Variants in RBM26 observed in about 807,000 individuals in gnomAD.
The protein encoded by RBM26 is RNA binding motif protein 26, also known as RNA-binding protein 26.
RBM26 carries 30 observed loss-of-function variants against 123.6 expected under a neutral mutation model. The ratio of observed to expected loss-of-function variants is 0.24; its 90% CI spans 0.18 to 0.33. The LOEUF is 0.33. Among genes scored for constraint, RBM26 ranks in the 10% least tolerant of loss-of-function variants. RBM26 has a pLI of 1.00. For missense variants in RBM26, 947 were observed against 1,203.6 expected, an observed-to-expected ratio of 0.79 and a Z score of 3.15; for synonymous variants, 400 against 404.4, an observed-to-expected ratio of 0.99 and a Z score of 0.13.
chr13:79,377,355 T>G (rs2076740277), intron 3 of RBM26, 24 bp downstream of exon 3: 1 of 1,600,176 alleles, frequency 6.2e-7, no homozygotes, highest in Admixed American at 1.7e-5. Flanking sequence ...AAATAACCTG[T>G]AAGGTATTAA....
At chr13:79,348,160 T>C in intron 14 of RBM26, among the ~76,000 whole-genome samples, 1 of 152,144 alleles carries the variant, frequency 6.6e-6, no homozygotes, top group East Asian at 1.9e-4. Flanking sequence ...GGACATTTGC[T>C]AATATTTTCT....
chr13:79,312,033 TA>T (rs980420272), exon 5 of RBM26: 1 of 151,960 alleles, frequency 6.6e-6, no homozygotes, highest in African/African-American at 2.4e-5. Flanking sequence ...ATTATTACTT[TA>T]AAAAAATAAA....
At chr13:79,342,297 T>C (rs376820408) in intron 17 of RBM26, among the ~76,000 whole-genome samples, 17 of 151,924 alleles carry the variant, frequency 1.1e-4, no homozygotes, top group East Asian at 7.7e-4. Context: ...TTTCAGTCAA[T>C]CCACCGTGTA....
In RBM26 at chr13:79,344,155, T is replaced by G. The variant is rs77419925; in HGVS notation, c.2259+93A>C. On this transcript the variant is annotated intron_variant, in intron 16 of 21. Coordinates refer to ENST00000438737, the MANE Select transcript of RBM26 (RefSeq NM_001366735.2). ...ATATTTGTTTTACCATTACCAATTA[T>G]AGTAAATCTTTTTATGACTAGGTAG... The G allele has an allele frequency of 1.9e-3, 1,577 of 820,650 alleles. 21 individuals carry two copies. In the African/African-American group the frequency reaches 0.021, roughly 11 times the overall value. 50.8% of individuals were successfully genotyped at this position (820,650 alleles called of 1,614,324 possible). A position where few individuals can be genotyped will look rare whatever the true frequency, so the allele number is the denominator to read the frequency against.
chr13:79,342,574 A>AG (rs2139136947), intron 17 of RBM26, 90 bp downstream of exon 17: 1 of 1,038,812 alleles, frequency 9.6e-7, no homozygotes, highest in African/African-American at 1.6e-5. Context: ...TGAACAGAAG[A>AG]TATTACCTAC....
At position 79,319,951 on chromosome 13, in the gene RBM26, T is replaced by A; in HGVS notation, c.*670A>T. 8.9e-6 allele frequency: 2 copies of A among 224,984 alleles called. No individual in the cohort carries two copies. The highest frequency in any genetic ancestry group is 1.2e-5 in the Non-Finnish European group (2 of 160,422). 13.9% of individuals were successfully genotyped at this position (224,984 alleles called of 1,614,324 possible). On this transcript the variant is annotated 3_prime_UTR_variant, in exon 22 of 22. Transcript: ENST00000438737. Reference sequence around the variant, plus strand: ...TAAATCAAGGAACATTGTCTTGGCTTTTTTTTTTTTTTTTTTTTTGTCATT... The same window carrying A: ...TAAATCAAGGAACATTGTCTTGGCTATTTTTTTTTTTTTTTTTTTGTCATT...
chr13:79,344,576 A>T, intron 15 of RBM26, 93 bp downstream of exon 15: 1 of 1,132,768 alleles, frequency 8.8e-7, no homozygotes, highest in Non-Finnish European at 1.3e-6. Context: ...ACACCCTTGT[A>T]GTCTTATTTT....
Position 79,319,549 on chromosome 13 carries a change from C to T in RBM26, c.*1072G>A, listed in dbSNP as rs2067455327. On this transcript the variant is annotated 3_prime_UTR_variant, in exon 22 of 22. Coordinates refer to ENST00000438737, the MANE Select transcript of RBM26 (RefSeq NM_001366735.2). ...GGAACACTTACCAAACAGTGTTTTC[C>T]TAAAGTAGTATCTATAGTACATTTC... 2.0e-6 allele frequency: 2 copies of T among 982,922 alleles called. No individual in the cohort carries two copies. Among genetic ancestry groups the T allele is most frequent in the African/African-American group, 3.5e-5 (2 of 57,106 alleles). 60.9% of individuals were successfully genotyped at this position (982,922 alleles called of 1,614,324 possible). A position where few individuals can be genotyped will look rare whatever the true frequency, so the allele number is the denominator to read the frequency against.
At chr13:79,366,895 A>C (rs780702021) in intron 6 of RBM26, 23 bp from the exon 7 acceptor site, 1 of 1,539,030 alleles carries the variant, frequency 6.5e-7, no homozygotes, top group South Asian at 1.2e-5. Flanking sequence ...AATAGTTAGA[A>C]ACAAATGTCA....
intron 3 of RBM26, among the ~76,000 whole-genome samples, chr13:79,373,163 A>T (rs1227982634): frequency 6.4e-5 from 5 of 77,646 alleles, no homozygotes; most frequent in South Asian, 3.9e-4. Context: ...TATGTATTAT[A>T]TATTTATATA....
chr13:79,327,233 C>A (rs950330180), intron 20 of RBM26, among the ~76,000 whole-genome samples: 1 of 150,016 alleles, frequency 6.7e-6, no homozygotes, highest in African/African-American at 2.5e-5. Context: ...GAAGTCAAGG[C>A]TGCAGTGAGC....
At chr13:79,322,502 ATTTCTG>A (rs1425363177) in intron 20 of RBM26, 40 bp from the exon 21 acceptor site, 1 of 1,363,966 alleles carries the variant, frequency 7.3e-7, no homozygotes. Context: ...GACATTAAAA[ATTTCTG>A]AAGAAAAAAA....
intron 20 of RBM26, among the ~76,000 whole-genome samples, chr13:79,333,919 G>A (rs2069863447): frequency 6.6e-6 from 1 of 152,086 alleles, no homozygotes; most frequent in South Asian, 2.1e-4. Flanking sequence ...GATGAGACCA[G>A]GAAGCAGTAG....
chr13:79,343,439 T>C (rs553623513), intron 16 of RBM26, among the ~76,000 whole-genome samples: 2 of 151,932 alleles, frequency 1.3e-5, no homozygotes, highest in East Asian at 1.9e-4. Context: ...TTGTAAAGTA[T>C]TGTGATTTTT....
chr13:79,359,727 T>C (rs1566443568), intron 9 of RBM26, 41 bp from the exon 10 acceptor site: 2 of 1,159,406 alleles, frequency 1.7e-6, no homozygotes, highest in Non-Finnish European at 2.4e-6. Context: ...TAAGCATAGG[T>C]TAATATTTTC....
chr13:79,376,566 G>T (rs1442954266), intron 3 of RBM26: 1 of 152,070 alleles, frequency 6.6e-6, no homozygotes, highest in African/African-American at 2.4e-5. Context: ...AGTAACTAAG[G>T]GTGAAGAGAG....
intron 1 of RBM26, among the ~76,000 whole-genome samples, chr13:79,395,270 A>G (rs2078457441): frequency 6.6e-6 from 1 of 152,186 alleles, no homozygotes; most frequent in Non-Finnish European, 1.5e-5. Flanking sequence ...ACTTCACAAT[A>G]ATGATAAAAA....
At chr13:79,392,017 C>CA (rs2078052877) in intron 1 of RBM26, among the ~76,000 whole-genome samples, 1 of 83,672 alleles carries the variant, frequency 1.2e-5, no homozygotes, top group Non-Finnish European at 2.8e-5. Context: ...ATATATTATA[C>CA]ATTATTATAT....
At chr13:79,384,122 T>C (rs1051809278) in intron 1 of RBM26, among the ~76,000 whole-genome samples, 1 of 152,190 alleles carries the variant, frequency 6.6e-6, no homozygotes, top group Non-Finnish European at 1.5e-5. Context: ...ACTGCTTCAG[T>C]GAGCTTTGGC....
Sources: allele counts gnomAD v4.1 joint callset (sites outside exome capture counted in the v4.1 genomes callset), GRCh38; gene constraint gnomAD v4.1.1; transcripts MANE v1.5; gene names NCBI Gene and HGNC (gene_info 2026-07-23, HGNC 2026-07-21).